The following TENM4 variants were observed in gnomAD, a reference collection of about 807,000 sequenced individuals.
TENM4 encodes teneurin transmembrane protein 4.
TENM4 carries 82 observed loss-of-function variants against 243.3 expected under a neutral mutation model. That is an observed-to-expected ratio of 0.34 (90% confidence interval 0.28 to 0.40). The LOEUF (loss-of-function observed/expected upper bound fraction) is 0.40. TENM4 is among the 10% of genes least tolerant of loss of function. The pLI is 1.00. For synonymous variants in TENM4, 1,412 were observed against 1,456.3 expected (o/e 0.97, Z 0.69); for missense variants, 3,138 against 3,673.3 (o/e 0.85, Z 3.77).
chr11:78,918,464 A>AG (rs1025876305), intron 6 of TENM4, among the ~76,000 whole-genome samples: 6 of 148,914 alleles, frequency 4.0e-5, no homozygotes, highest in African/African-American at 1.5e-4. Flanking sequence ...AAAAAAAAAA[A>AG]GGGACAGAGA....
intron 2 of TENM4, among the ~76,000 whole-genome samples, chr11:79,241,661 C>G (rs1031406248): frequency 1.3e-5 from 2 of 152,136 alleles, no homozygotes; most frequent in African/African-American, 2.4e-5. Context: ...TGTCACTACA[C>G]GCAGCATGCA....
In TENM4 at chr11:78,931,289, C is replaced by A. The variant is rs183487361; in HGVS notation, c.494-27766G>T. Among the ~76,000 whole-genome samples, 14 of 152,268 alleles carry A rather than the reference C, an allele frequency of 9.2e-5. 1 individual carries two copies. The South Asian group carries it at 2.9e-3, about 32-fold the overall frequency. ...GCCAGTATTTTTAAAAGACATGCTA[C>A]GTCTGAGTCCTAACAGCAGGCCCAT... On this transcript the variant is annotated intron_variant, in intron 6 of 33. Coordinates refer to ENST00000278550, the MANE Select transcript of TENM4 (RefSeq NM_001098816.3).
At chr11:79,439,772 C>T (rs1429962667) in intron 1 of TENM4, among the ~76,000 whole-genome samples, 3 of 152,128 alleles carry the variant, frequency 2.0e-5, no homozygotes, top group Non-Finnish European at 1.5e-5. Flanking sequence ...CTGAGGAGCT[C>T]GGTGATCACA....
At chr11:79,359,914 G>A (rs952224990) in intron 1 of TENM4, among the ~76,000 whole-genome samples, 4 of 152,018 alleles carry the variant, frequency 2.6e-5, no homozygotes, top group African/African-American at 7.3e-5. Flanking sequence ...TTCATGGGCC[G>A]GATGAAAAAT....
chr11:79,147,943 G>A (rs72935345), intron 4 of TENM4, among the ~76,000 whole-genome samples: 8,405 of 152,078 alleles, frequency 0.055, 338 homozygotes, highest in Non-Finnish European at 0.078. Context: ...TCAGCAAAAC[G>A]ATCCAAGTGG....
chr11:78,672,652 G>A (rs1043902723), intron 30 of TENM4, among the ~76,000 whole-genome samples: 5 of 152,206 alleles, frequency 3.3e-5, no homozygotes, highest in South Asian at 2.1e-4. Flanking sequence ...ATGAGGACAC[G>A]TTTTAAAAGG....
intron 6 of TENM4, among the ~76,000 whole-genome samples, chr11:78,971,718 G>T (rs1857550616): frequency 6.6e-6 from 1 of 152,064 alleles, no homozygotes; most frequent in South Asian, 2.1e-4. Context: ...ATCCCTAAAA[G>T]TATGATGTCT....
At chr11:78,798,747 C>A (rs1324270531) in intron 15 of TENM4, among the ~76,000 whole-genome samples, 2 of 151,964 alleles carry the variant, frequency 1.3e-5, no homozygotes, top group Non-Finnish European at 2.9e-5. Flanking sequence ...GCCTGCACTG[C>A]CCTCTCCTCC....
intron 7 of TENM4, among the ~76,000 whole-genome samples, chr11:78,902,455 G>A (rs886371008): frequency 6.6e-6 from 1 of 152,152 alleles, no homozygotes. Flanking sequence ...GAGGGATCCC[G>A]GCCAGCAGAG....
At chr11:79,231,587 A>G (rs1864374235) in intron 2 of TENM4, among the ~76,000 whole-genome samples, 1 of 152,214 alleles carries the variant, frequency 6.6e-6, no homozygotes, top group African/African-American at 2.4e-5. Context: ...GACCTCAGCC[A>G]AGTTATTCAA....
intron 6 of TENM4, among the ~76,000 whole-genome samples, chr11:78,989,532 A>G (rs1255918694): frequency 6.6e-6 from 1 of 152,262 alleles, no homozygotes; most frequent in Non-Finnish European, 1.5e-5. Flanking sequence ...AACATGAAGA[A>G]CAAGTGTTAA....
intron 7 of TENM4, among the ~76,000 whole-genome samples, chr11:78,899,559 CG>C (rs112067150): frequency 0.11 from 3,252 of 29,520 alleles, 242 homozygotes; most frequent in African/African-American, 0.21. Context: ...TCTCAAAAAG[CG>C]GGGGGGGGGG....
chr11:79,233,684 G>T (rs889696518), intron 2 of TENM4, among the ~76,000 whole-genome samples: 1 of 152,148 alleles, frequency 6.6e-6, no homozygotes, highest in African/African-American at 2.4e-5. Flanking sequence ...TCGCCAGTTG[G>T]GGTAGAAGCA....
chr11:78,971,312 T>C (rs184163483), intron 6 of TENM4, among the ~76,000 whole-genome samples: 316 of 152,300 alleles, frequency 2.1e-3, no homozygotes, highest in African/African-American at 7.0e-3. Flanking sequence ...TTTGTTTGTT[T>C]TGTTTTTACA....
Position 78,761,521 on chromosome 11 carries a change from G to A in TENM4, c.2540-4500C>T, listed in dbSNP as rs569018838. Among the ~76,000 whole-genome samples the A allele has an allele frequency of 6.6e-5, 10 of 152,140 alleles. No homozygotes were observed. The East Asian group carries it at 1.8e-3, about 27-fold the overall frequency. Reference sequence around the variant, plus strand: ...CCCAAAGTGCTGGGATTACAGGCGTGAGCCACTGTGCCTGGCCCAGGGTGG... The same window carrying A: ...CCCAAAGTGCTGGGATTACAGGCGTAAGCCACTGTGCCTGGCCCAGGGTGG... On this transcript the variant is annotated intron_variant, in intron 18 of 33. Transcript: ENST00000278550.
In TENM4 at chr11:78,856,122, C is replaced by T; in HGVS notation, c.1312G>A (p.Val438Met). 6.4e-7 allele frequency: 1 copy of T among 1,551,696 alleles called. No homozygotes were observed. The highest frequency in any genetic ancestry group is 8.7e-7 in the Non-Finnish European group (1 of 1,146,988). Residue 438 changes from valine (V) to methionine (M), a missense_variant, in exon 11 of 34, where the codon GTG becomes ATG. Physicochemically the swap from Val to Met is conservative, Grantham distance 21. Transcript: ENST00000278550. ...ATCTTCTGGGAAGCTCGCCTTCCCA[C>T]ATCAATTTCTCCAGAATCTATGAAA... ...DSFIDSGEIDVGRRASQKIPP... is the reference protein window; with the variant it reads ...DSFIDSGEIDMGRRASQKIPP...
intron 1 of TENM4, among the ~76,000 whole-genome samples, chr11:79,395,823 T>C (rs996554092): frequency 6.6e-6 from 1 of 152,190 alleles, no homozygotes; most frequent in Admixed American, 6.5e-5. Flanking sequence ...CCGTGAATAT[T>C]TATCAGAGGC....
chr11:79,427,321 G>A (rs1173360616), intron 1 of TENM4, among the ~76,000 whole-genome samples: 1 of 152,164 alleles, frequency 6.6e-6, no homozygotes, highest in Non-Finnish European at 1.5e-5. Flanking sequence ...ACATGAAAAT[G>A]TTGATCTCAG....
intron 15 of TENM4, among the ~76,000 whole-genome samples, chr11:78,790,623 A>T (rs1046362229): frequency 6.6e-6 from 1 of 152,166 alleles, no homozygotes; most frequent in Non-Finnish European, 1.5e-5. Flanking sequence ...AGGTCATGTG[A>T]TCATCTAGTG....
Sources: gnomAD v4.1 joint callset for allele counts (sites outside exome capture counted in the v4.1 genomes callset) on GRCh38, gnomAD v4.1.1 for gene constraint, MANE v1.5 for transcripts, NCBI Gene and HGNC (gene_info 2026-07-23, HGNC 2026-07-21) for gene names.